The following KIDINS220 variants were observed in gnomAD, a reference collection of about 807,000 sequenced individuals.
KIDINS220 encodes kinase D-interacting substrate of 220 kDa.
Under a neutral mutation model 157.6 loss-of-function variants are expected in KIDINS220, and 63 were observed. The observed-to-expected ratio is 0.40, with a 90% confidence interval of 0.33 to 0.49. The LOEUF (loss-of-function observed/expected upper bound fraction) is 0.49, where lower values mean the gene tolerates loss of function less well. KIDINS220 is among the 20% of genes least tolerant of loss of function. The probability of loss-of-function intolerance (pLI) is 0.66; values close to 1 mark genes in which losing one functional copy is unlikely to be tolerated. For synonymous variants in KIDINS220, 732 were observed against 783.6 expected (o/e 0.93, Z 1.10); for missense variants, 1,772 against 2,171.2 (o/e 0.82, Z 3.65).
At chr2:8,736,358 A>G (rs1664856434) in intron 27 of KIDINS220, among the ~76,000 whole-genome samples, 1 of 152,272 alleles carries the variant, frequency 6.6e-6, no homozygotes, top group South Asian at 2.1e-4. Flanking sequence ...ATGCAAATGC[A>G]TTAACCTTGC....
chr2:8,731,061 T>C lies in KIDINS220; in HGVS notation c.4975A>G (p.Ile1659Val), dbSNP rs376904754. Residue 1659 changes from isoleucine (I) to valine (V), a missense_variant, in exon 30 of 30, where the codon ATA becomes GTA. Transcript: ENST00000256707. The surrounding 1 kb of genome is among the most constrained non-coding windows in gnomAD (Gnocchi z 5.2). Reference sequence around the variant, plus strand: ...CAGTTTTCTTCAGGGCTGCTGGCTATCAAGCTGCATTCGGAAGGGCTTTTC... The same window carrying C: ...CAGTTTTCTTCAGGGCTGCTGGCTACCAAGCTGCATTCGGAAGGGCTTTTC... ...DKKSPSECSL[I>V]ASSPEENWPA... 6 of 1,614,126 alleles carry C rather than the reference T, an allele frequency of 3.7e-6. No individual in the cohort carries two copies. The highest frequency in any genetic ancestry group is 2.7e-5 in the African/African-American group (2 of 74,948).
chr2:8,770,608 T>TTG, intron 22 of KIDINS220, 62 bp downstream of exon 22: 3 of 373,908 alleles, frequency 8.0e-6, no homozygotes, highest in Non-Finnish European at 8.2e-6. Flanking sequence ...TTATACGCGT[T>TTG]TTTTTTTTTT....
intron 2 of KIDINS220, 141 bp downstream of exon 2, chr2:8,826,845 A>C: frequency 5.0e-6 from 2 of 396,194 alleles, no homozygotes; most frequent in Non-Finnish European, 9.0e-6. Flanking sequence ...AGTACTTTTA[A>C]CTATAAGACA....
rs1275638764 is a variant in KIDINS220 at position 8,813,175 on chromosome 2, T to C, written c.405+62A>G. 3 of 1,074,188 alleles carry C rather than the reference T, an allele frequency of 2.8e-6. No homozygotes were observed. The Admixed American group carries it at 6.2e-5, about 22-fold the overall frequency. The allele number at this position is 1,074,188 out of a possible 1,614,324, so 66.5% of individuals were successfully genotyped here. ...CCACGAAGCCAAATATAATCAACCTTAAGTATTCCCTAAGAAAACTTACCA... is the reference window on the plus strand; with the variant it reads ...CCACGAAGCCAAATATAATCAACCTCAAGTATTCCCTAAGAAAACTTACCA... On this transcript the variant is annotated intron_variant, in intron 5 of 29. Transcript: ENST00000256707.
chr2:8,805,153 G>A (rs1403272527), intron 7 of KIDINS220, among the ~76,000 whole-genome samples: 2 of 152,224 alleles, frequency 1.3e-5, no homozygotes, highest in South Asian at 2.1e-4. Context: ...CTGAGCACAG[G>A]AGCTTCTGTC....
Position 8,778,886 on chromosome 2 carries a change from T to C in KIDINS220, c.2614+10A>G. ...TCAAACTCAAAGTACTTTAGGAGCCTGAGCTTTACCTGTAGTATCTGAGCA... is the reference window on the plus strand; with the variant it reads ...TCAAACTCAAAGTACTTTAGGAGCCCGAGCTTTACCTGTAGTATCTGAGCA... On this transcript the variant is annotated intron_variant, in intron 19 of 29. Coordinates refer to ENST00000256707, the MANE Select transcript of KIDINS220 (RefSeq NM_020738.4). 1 of 1,613,218 alleles carries C rather than the reference T, an allele frequency of 6.2e-7. No individual in the cohort carries two copies. Among genetic ancestry groups the C allele is most frequent in the Non-Finnish European group, 8.5e-7 (1 of 1,179,168 alleles).
chr2:8,738,465 C>T (rs754621899), intron 26 of KIDINS220, among the ~76,000 whole-genome samples: 2 of 152,214 alleles, frequency 1.3e-5, no homozygotes, highest in African/African-American at 2.4e-5. Context: ...GCCACCTTAA[C>T]CAAGTGACCA....
At chr2:8,818,486 T>C (rs968612094) in intron 3 of KIDINS220, among the ~76,000 whole-genome samples, 1 of 152,132 alleles carries the variant, frequency 6.6e-6, no homozygotes, top group Non-Finnish European at 1.5e-5. Flanking sequence ...GTCTCATCCA[T>C]ATAAAAAAAC....
rs988782279 is a variant in KIDINS220 at position 8,778,928 on chromosome 2, G to A, written c.2582C>T (p.Thr861Ile). The A allele has an allele frequency of 6.2e-7, 1 of 1,614,144 alleles. No homozygotes were observed. Among genetic ancestry groups the A allele is most frequent in the African/African-American group, 1.3e-5 (1 of 75,046 alleles). ...ATCTGAGCATGGAACGTCTCCATTT[G>A]TTGCTGAAGTTACGAGAAATTTTCT... ...NARKFLVTSA[T>I]NGDVPCSDTT... Residue 861 changes from threonine to isoleucine, a missense_variant, in exon 19 of 30, where the codon ACA (threonine) becomes ATA (isoleucine). By Grantham distance (89) the Thr-to-Ile change is moderately conservative (BLOSUM62 -1). Around this residue, in one of 3 missense-constraint regions of KIDINS220, gnomAD observed 725 missense variants for 1,017.1 expected, o/e 0.71. Transcript: ENST00000256707.
At chr2:8,765,710 A>G (rs1019692859) in intron 22 of KIDINS220, among the ~76,000 whole-genome samples, 2 of 152,144 alleles carry the variant, frequency 1.3e-5, no homozygotes, top group Admixed American at 1.3e-4. Context: ...TATTATCTTT[A>G]AAAGACAAGG....
rs748788690 is a variant in KIDINS220, at chr2:8,802,984, C to T, written c.747G>A (p.Thr249=). 8.7e-6 allele frequency: 14 copies of T among 1,613,926 alleles called. No homozygotes were observed. The highest frequency in any genetic ancestry group is 7.7e-5 in the South Asian group (7 of 91,078). ...ALMIASKEGH[T]EIVQDLLDAG... ...CGTCGAGCAGATCCTGCACAATCTC[C>T]GTATGTCCCTCCTTTGATGCAATCA... is the stretch of plus-strand genomic sequence containing the variant. Residue 249 remains threonine (T), a synonymous_variant, in exon 8 of 30, where the codon ACG becomes ACA. Coordinates refer to ENST00000256707, the MANE Select transcript of KIDINS220 (RefSeq NM_020738.4).
At chr2:8,826,788 CAGTCATT>C (rs1240364940) in intron 2 of KIDINS220, 191 bp downstream of exon 2, 2 of 336,116 alleles carry the variant, frequency 6.0e-6, no homozygotes, top group African/African-American at 4.2e-5. Flanking sequence ...CTAAATTCAA[CAGTCATT>C]TATATAAGTT....
At chr2:8,835,923 A>T (rs1337661907) in intron 1 of KIDINS220, among the ~76,000 whole-genome samples, 1 of 152,198 alleles carries the variant, frequency 6.6e-6, no homozygotes, top group Non-Finnish European at 1.5e-5. Flanking sequence ...CTGGCAGTGT[A>T]TGTGACCCAG....
At position 8,786,244 on chromosome 2, in the gene KIDINS220, G is replaced by A. The variant is rs1390971335; in HGVS notation, c.1901C>T (p.Thr634Ile). 4 of 1,613,948 alleles carry A rather than the reference G, an allele frequency of 2.5e-6. No individual in the cohort carries two copies. Among genetic ancestry groups the A allele is most frequent in the Non-Finnish European group, 3.4e-6 (4 of 1,180,028 alleles). The change falls in exon 16 of 30, where the codon ACC becomes ATC. Residue 634 changes from threonine (T) to isoleucine (I), a missense_variant. Thr to Ile is a moderately conservative substitution (Grantham distance 89). Transcript: ENST00000256707. Reference protein sequence around the residue: ...ACEREFGFLATRLFRVFKTED... With the variant: ...ACEREFGFLAIRLFRVFKTED... ...AGTCTTGAATACTCGAAAAAGCCTGGTTGCCAAAAAGCCAAACTCTCTTTC... is the reference window on the plus strand; with the variant it reads ...AGTCTTGAATACTCGAAAAAGCCTGATTGCCAAAAAGCCAAACTCTCTTTC...
At chr2:8,803,987 G>A (rs1375831755) in intron 7 of KIDINS220, among the ~76,000 whole-genome samples, 3 of 152,162 alleles carry the variant, frequency 2.0e-5, no homozygotes, top group Non-Finnish European at 4.4e-5. Flanking sequence ...CCCCAAAATT[G>A]AGCTGTCATT....
Position 8,737,092 on chromosome 2 carries a change from C to T in KIDINS220, c.3586-93G>A, listed in dbSNP as rs1037652071. 1.3e-5 allele frequency: 16 copies of T among 1,231,182 alleles called. No individual in the cohort carries two copies. The African/African-American group carries it at 2.3e-4, about 18-fold the overall frequency. 76.3% of individuals were successfully genotyped at this position (1,231,182 alleles called of 1,614,324 possible). A position where few individuals can be genotyped will look rare whatever the true frequency, so the allele number is the denominator to read the frequency against. ...ACAGAGAAAAACTCATTAAGTTATACCATGAAGTAAAGTAAAAAAAAACAA... is the reference window on the plus strand; with the variant it reads ...ACAGAGAAAAACTCATTAAGTTATATCATGAAGTAAAGTAAAAAAAAACAA... On this transcript the variant is annotated intron_variant, in intron 26 of 29. Transcript: ENST00000256707.
intron 6 of KIDINS220, among the ~76,000 whole-genome samples, chr2:8,808,730 C>T (rs1343659722): frequency 6.6e-6 from 1 of 152,234 alleles, no homozygotes; most frequent in Non-Finnish European, 1.5e-5. Flanking sequence ...ACTCAATAAT[C>T]TCCTGCCACA....
chr2:8,755,059 A>C (rs1477767621), intron 22 of KIDINS220, among the ~76,000 whole-genome samples: 1 of 152,252 alleles, frequency 6.6e-6, no homozygotes, highest in Admixed American at 6.5e-5. Flanking sequence ...TGGGAGACAG[A>C]CAGAACACAC....
chr2:8,787,561 G>A (rs2148255503), intron 15 of KIDINS220, among the ~76,000 whole-genome samples: 1 of 151,750 alleles, frequency 6.6e-6, no homozygotes, highest in African/African-American at 2.4e-5. Context: ...TAGAGATGGG[G>A]TTTTGCCTTT....
Sources: allele counts gnomAD v4.1 joint callset (sites outside exome capture counted in the v4.1 genomes callset), GRCh38; gene constraint gnomAD v4.1.1; regional missense constraint gnomAD v4.1.1; non-coding constraint Gnocchi (gnomAD v3.1); transcripts MANE v1.5; gene names NCBI Gene and HGNC (gene_info 2026-07-23, HGNC 2026-07-21).